Variants in MCTP1 observed in about 807,000 individuals in gnomAD.
MCTP1 encodes the protein multiple C2 and transmembrane domain-containing protein 1.
A neutral mutation model predicts 120.6 loss-of-function variants in MCTP1; 69 were observed. The observed-to-expected ratio is 0.57, with a 90% confidence interval of 0.47 to 0.70. The LOEUF is 0.70. MCTP1 is among the 30% of genes least tolerant of loss of function. The pLI is 0.00. For missense variants in MCTP1, 1,203 were observed against 1,248.8 expected, an observed-to-expected ratio of 0.96 and a Z score of 0.55; for synonymous variants, 529 against 493.1, an observed-to-expected ratio of 1.07 and a Z score of -0.96.
intron 11 of MCTP1, among the ~76,000 whole-genome samples, chr5:94,894,207 T>G (rs1803352400): frequency 6.6e-6 from 1 of 152,164 alleles, no homozygotes; most frequent in Non-Finnish European, 1.5e-5. Context: ...CAGCTGAAAA[T>G]AAAAATCATT....
chr5:95,037,510 G>A (rs941067756), intron 1 of MCTP1, among the ~76,000 whole-genome samples: 1 of 152,096 alleles, frequency 6.6e-6, no homozygotes, highest in Non-Finnish European at 1.5e-5. Context: ...CTTTTTAGAA[G>A]TTTTCCAATT....
At chr5:95,012,948 A>T (rs1321448987) in intron 2 of MCTP1, among the ~76,000 whole-genome samples, 1 of 152,192 alleles carries the variant, frequency 6.6e-6, no homozygotes, top group Non-Finnish European at 1.5e-5. Context: ...GCATGTCAAA[A>T]GGAGAGACAG....
intron 17 of MCTP1, among the ~76,000 whole-genome samples, chr5:94,803,559 G>A (rs1360327351): frequency 6.6e-6 from 1 of 152,212 alleles, no homozygotes; most frequent in Non-Finnish European, 1.5e-5. Flanking sequence ...CAATTAAGCC[G>A]ATGCTTGACA....
chr5:95,077,550 G>A (rs1753881806), intron 1 of MCTP1, among the ~76,000 whole-genome samples: 1 of 151,724 alleles, frequency 6.6e-6, no homozygotes, highest in African/African-American at 2.4e-5. Flanking sequence ...TCGGCTCACT[G>A]CAAGCTCCAC....
chr5:94,929,612 C>T, intron 6 of MCTP1: 1 of 937,344 alleles, frequency 1.1e-6, no homozygotes, highest in Non-Finnish European at 1.3e-6. Flanking sequence ...TAAAGCTACA[C>T]AGTATAGTCC....
intron 1 of MCTP1, among the ~76,000 whole-genome samples, chr5:95,033,718 G>A (rs1416951876): frequency 6.6e-6 from 1 of 151,934 alleles, no homozygotes; most frequent in East Asian, 1.9e-4. Context: ...GTCCTAGCCA[G>A]AGCAATCAGG....
chr5:95,149,393 G>T (rs934252107), intron 1 of MCTP1, among the ~76,000 whole-genome samples: 1 of 152,182 alleles, frequency 6.6e-6, no homozygotes, highest in African/African-American at 2.4e-5. Context: ...GGAGCAGCAG[G>T]GAGCAGGGGA....
intron 18 of MCTP1, among the ~76,000 whole-genome samples, chr5:94,780,074 G>A (rs115830102): frequency 0.028 from 4,237 of 151,750 alleles, 70 homozygotes; most frequent in Non-Finnish European, 0.031. Context: ...TGGGAGAAGT[G>A]TTGTTATTCA....
intron 17 of MCTP1, among the ~76,000 whole-genome samples, chr5:94,826,964 G>A (rs1787272743): frequency 6.6e-6 from 1 of 151,776 alleles, no homozygotes; most frequent in Non-Finnish European, 1.5e-5. Context: ...CATTTAGCCT[G>A]TTACATTTAA....
chr5:94,756,203 G>T (rs1160894829), intron 19 of MCTP1, among the ~76,000 whole-genome samples: 2 of 152,212 alleles, frequency 1.3e-5, no homozygotes, highest in Non-Finnish European at 2.9e-5. Flanking sequence ...CCACTTTGCA[G>T]ATGTGGTAAC....
intron 1 of MCTP1, among the ~76,000 whole-genome samples, chr5:95,114,725 C>T (rs1309872184): frequency 6.6e-6 from 1 of 152,238 alleles, no homozygotes; most frequent in Non-Finnish European, 1.5e-5. Context: ...TGCCCAGGGC[C>T]TGGGGGTACT....
intron 1 of MCTP1, among the ~76,000 whole-genome samples, chr5:95,044,444 C>A (rs1842835832): frequency 6.6e-6 from 1 of 152,182 alleles, no homozygotes; most frequent in Non-Finnish European, 1.5e-5. Flanking sequence ...TCCTTTTGCT[C>A]ATTTATCTTC....
At chr5:95,162,977 C>T (rs906961291) in intron 1 of MCTP1, among the ~76,000 whole-genome samples, 1 of 152,130 alleles carries the variant, frequency 6.6e-6, no homozygotes, top group South Asian at 2.1e-4. Context: ...ATCATCCTTA[C>T]TCTTTGAACA....
chr5:95,090,582 A>G (rs529377618), intron 1 of MCTP1, among the ~76,000 whole-genome samples: 182 of 152,296 alleles, frequency 1.2e-3, no homozygotes, highest in African/African-American at 4.1e-3. Context: ...CATGACCATT[A>G]GAAGGGCACT....
chr5:94,947,575 TATAGAGAGAGAGAGAGAGAG>T (rs1351008020), intron 3 of MCTP1, among the ~76,000 whole-genome samples: 3,040 of 47,398 alleles, frequency 0.064, 130 homozygotes, highest in Middle Eastern at 0.096. Flanking sequence ...TATATATATA[TATAGAGAGAGAGAGAGAGAG>T]AGAGAGAGAG....
chr5:94,784,903 C>T (rs1777334878), intron 18 of MCTP1: 1 of 151,988 alleles, frequency 6.6e-6, no homozygotes, highest in Admixed American at 6.5e-5. Flanking sequence ...TTCCTTGGCT[C>T]ATTCTGGGAA....
intron 19 of MCTP1, among the ~76,000 whole-genome samples, chr5:94,743,176 A>T (rs1765934789): frequency 6.6e-6 from 1 of 151,606 alleles, no homozygotes. Flanking sequence ...GGGATTATTC[A>T]CTGGCTTCTC....
At chr5:95,172,686 T>C (rs1747475735) in intron 1 of MCTP1, among the ~76,000 whole-genome samples, 2 of 152,188 alleles carry the variant, frequency 1.3e-5, no homozygotes, top group Non-Finnish European at 2.9e-5. Context: ...TGGTGTCTGG[T>C]TCATAATATA....
At chr5:95,073,323 T>C (rs1752724437) in intron 1 of MCTP1, among the ~76,000 whole-genome samples, 1 of 152,210 alleles carries the variant, frequency 6.6e-6, no homozygotes, top group Non-Finnish European at 1.5e-5. Flanking sequence ...TCCAGACTCA[T>C]GGCTCAACTT....
Sources: allele counts gnomAD v4.1 joint callset (sites outside exome capture counted in the v4.1 genomes callset), GRCh38; gene constraint gnomAD v4.1.1; transcripts MANE v1.5; gene names NCBI Gene and HGNC (gene_info 2026-07-23, HGNC 2026-07-21).